RYR3: variants seen among roughly 807,000 people sequenced by gnomAD.
RYR3 encodes the protein ryanodine receptor 3, also known as brain ryanodine receptor-calcium release channel.
RYR3 carries 207 observed loss-of-function variants against 584.3 expected under a neutral mutation model. That is an observed-to-expected ratio of 0.35 (90% CI 0.32 to 0.40). The LOEUF (loss-of-function observed/expected upper bound fraction) is 0.40, where lower values mean the gene tolerates loss of function less well. Among genes scored for constraint, RYR3 ranks in the 10% least tolerant of loss-of-function variants. The pLI is 1.00. For synonymous variants in RYR3, 2,416 were observed against 2,248.5 expected (o/e 1.07, Z -2.11); for missense variants, 5,616 against 6,089.2 (o/e 0.92, Z 2.59).
In RYR3 at chr15:33,848,400, A is replaced by G. The variant is rs1338106683; in HGVS notation, c.13607A>G (p.Asp4536Gly). The G allele has an allele frequency of 1.2e-6, 2 of 1,613,066 alleles. No individual in the cohort carries two copies. Among genetic ancestry groups the G allele is most frequent in the African/African-American group, 2.7e-5 (2 of 74,904 alleles). ...GAAGATGACATCAAGGGGCAGTGGG[A>G]CCGCTTGGTGATCAACACACCGTGA... ...PSEDDIKGQWDRLVINTPSFP... is the reference protein window; with the variant it reads ...PSEDDIKGQWGRLVINTPSFP... Residue 4536 changes from aspartate (D) to glycine (G), a missense_variant, in exon 94 of 104, where the codon GAC (aspartate) becomes GGC (glycine). Coordinates refer to ENST00000634891, the MANE Select transcript of RYR3 (RefSeq NM_001036.6).
At chr15:33,317,741 A>C (rs1968394536) in intron 1 of RYR3, among the ~76,000 whole-genome samples, 1 of 152,198 alleles carries the variant, frequency 6.6e-6, no homozygotes, top group Non-Finnish European at 1.5e-5. Flanking sequence ...CCAGAATAAA[A>C]GAGCTATACC....
intron 59 of RYR3, 53 bp downstream of exon 59, chr15:33,756,426 T>G: frequency 7.7e-7 from 1 of 1,306,044 alleles, no homozygotes; most frequent in Non-Finnish European, 1.1e-6. Context: ...TCTCTACTAT[T>G]TAGGAAACAG....
At chr15:33,349,202 T>G (rs985578811) in intron 1 of RYR3, among the ~76,000 whole-genome samples, 3 of 152,100 alleles carry the variant, frequency 2.0e-5, no homozygotes, top group Non-Finnish European at 4.4e-5. Context: ...TTTAATTGCT[T>G]CCAGTTTTGG....
At chr15:33,782,493 C>G (rs1366190826) in intron 65 of RYR3, among the ~76,000 whole-genome samples, 1 of 152,206 alleles carries the variant, frequency 6.6e-6, no homozygotes, top group African/African-American at 2.4e-5. Flanking sequence ...GAGCCCATGT[C>G]TTTCATCACT....
intron 57 of RYR3, among the ~76,000 whole-genome samples, chr15:33,754,037 C>T (rs1253443545): frequency 2.0e-5 from 3 of 152,058 alleles, no homozygotes; most frequent in African/African-American, 4.8e-5. Flanking sequence ...CCCAGCTACT[C>T]GGGAGGCTGA....
At chr15:33,483,218 T>G (rs1329741810) in intron 2 of RYR3, among the ~76,000 whole-genome samples, 1 of 152,120 alleles carries the variant, frequency 6.6e-6, no homozygotes, top group East Asian at 1.9e-4. Context: ...TATTCCCATT[T>G]TTTTGGTAAA....
Position 33,336,550 on chromosome 15 carries a change from G to A in RYR3, c.51+25454G>A, listed in dbSNP as rs374560805. 7.1e-3 allele frequency among the ~76,000 whole-genome samples: 433 copies of A among 61,210 alleles called. 19 individuals carry two copies. The highest frequency in any genetic ancestry group is 0.017 in the Middle Eastern group (2 of 118). 40.2% of individuals were successfully genotyped at this position (61,210 alleles called of 152,430 possible). A position where few individuals can be genotyped will look rare whatever the true frequency, so the allele number is the denominator to read the frequency against. ...GGAAGGAGGGAAGGAGGGAAGGAGG[G>A]AAGGAAGGAAGAAAAAAGCACCATG... On this transcript the variant is annotated intron_variant, in intron 1 of 103. Coordinates refer to ENST00000634891, the MANE Select transcript of RYR3 (RefSeq NM_001036.6).
rs772207338 is a variant in RYR3, at chr15:33,722,740, C to T, written c.6645C>T (p.Ser2215=). 11 of 1,612,398 alleles carry T rather than the reference C, an allele frequency of 6.8e-6. No individual in the cohort carries two copies. Among genetic ancestry groups the T allele is most frequent in the South Asian group, 1.1e-5 (1 of 90,856 alleles). ...GTGAGAGTGTGGAAGAAAACGCCAG[C>T]GTTGTGGTCAAGCTGCTCATCAGAC... ...VNSESVEENA[S]VVVKLLIRRP... is the part of the protein sequence containing the mutation. Residue 2215 remains serine (S), a synonymous_variant, in exon 44 of 104, where the codon AGC becomes AGT. Transcript: ENST00000634891.
chr15:33,339,638 C>T (rs1971560934), intron 1 of RYR3, among the ~76,000 whole-genome samples: 1 of 152,102 alleles, frequency 6.6e-6, no homozygotes, highest in Non-Finnish European at 1.5e-5. Flanking sequence ...GCCTGTAATC[C>T]CAGCACTTTG....
intron 82 of RYR3, 37 bp downstream of exon 82, chr15:33,825,713 TGA>T: frequency 9.4e-7 from 1 of 1,062,334 alleles, no homozygotes; most frequent in Non-Finnish European, 1.4e-6. Context: ...ATTCTCTTCC[TGA>T]TTAAAATCTT....
intron 70 of RYR3, among the ~76,000 whole-genome samples, chr15:33,808,402 A>T (rs2076320198): frequency 6.6e-6 from 1 of 152,230 alleles, no homozygotes; most frequent in Non-Finnish European, 1.5e-5. Flanking sequence ...AGCATTTATG[A>T]TTAGAAGGAC....
Position 33,859,592 on chromosome 15 carries a change from G to C in RYR3, c.14160G>C (p.Met4720Ile). 6.2e-7 allele frequency: 1 copy of C among 1,613,972 alleles called. No homozygotes were observed. Among genetic ancestry groups the C allele is most frequent in the African/African-American group, 1.3e-5 (1 of 75,040 alleles). The change falls in exon 100 of 104, where the codon ATG (methionine) becomes ATC (isoleucine). Residue 4720 changes from methionine to isoleucine, a missense_variant. Around this residue, in one of 9 missense-constraint regions of RYR3, gnomAD observed 918 missense variants for 887.4 expected, o/e 1.03. Coordinates refer to ENST00000634891, the MANE Select transcript of RYR3 (RefSeq NM_001036.6). ...DDMMTCYLFHMYVGVRAGGGI... is the reference protein window; with the variant it reads ...DDMMTCYLFHIYVGVRAGGGI... ...TTCTCTAGTGTTACCTTTTCCACAT[G>C]TACGTGGGAGTGAGAGCAGGAGGTG... is the stretch of plus-strand genomic sequence containing the variant.
rs1336044791 is a variant in RYR3, at chr15:33,853,079, A to C, written c.13663A>C (p.Lys4555Gln). Residue 4555 changes from lysine to glutamine, a missense_variant, in exon 95 of 104, where the codon AAG becomes CAG. Transcript: ENST00000634891. The part of the protein sequence containing the change: ...FPNNYWDKFV[K>Q]RKVINKYGDL... ...TAATAACTACTGGGACAAGTTTGTA[A>C]AGAGAAAGGTATGCCTTGTTAGTGG... 1 of 1,600,046 alleles carries C rather than the reference A, an allele frequency of 6.2e-7. No individual in the cohort carries two copies. Among genetic ancestry groups the C allele is most frequent in the Admixed American group, 1.8e-5 (1 of 56,738 alleles).
intron 43 of RYR3, among the ~76,000 whole-genome samples, chr15:33,711,665 C>A (rs2067133873): frequency 6.6e-6 from 1 of 152,206 alleles, no homozygotes; most frequent in Admixed American, 6.6e-5. Flanking sequence ...CAGCCAAGTT[C>A]TTTACTAATG....
At position 33,512,956 on chromosome 15, in the gene RYR3, A is replaced by G. The variant is rs181578084; in HGVS notation, c.279+9218A>G. ...TTTGCTGAGAGTTTTGAGAAAAATA[A>G]CTGTTTCATGGGGGACAGGAGTAGA... On this transcript the variant is annotated intron_variant, in intron 3 of 103. Transcript: ENST00000634891. 2.4e-3 allele frequency among the ~76,000 whole-genome samples: 364 copies of G among 152,280 alleles called. 3 individuals are homozygous for G. Among genetic ancestry groups the G allele is most frequent in the African/African-American group, 8.2e-3 (342 of 41,574 alleles).
intron 86 of RYR3, among the ~76,000 whole-genome samples, chr15:33,832,705 G>C (rs1228155628): frequency 6.7e-6 from 1 of 149,972 alleles, no homozygotes; most frequent in East Asian, 2.0e-4. Flanking sequence ...AGGAAAGCAA[G>C]CCCCTTAAGA....
chr15:33,842,431 C>T (rs2078430542), intron 91 of RYR3, among the ~76,000 whole-genome samples: 1 of 152,256 alleles, frequency 6.6e-6, no homozygotes, highest in South Asian at 2.1e-4. Context: ...TAGCTTCCCA[C>T]ACTAGTCCTC....
intron 1 of RYR3, among the ~76,000 whole-genome samples, chr15:33,399,766 AAGAT>A (rs1362040030): frequency 2.0e-5 from 3 of 152,346 alleles, no homozygotes; most frequent in African/African-American, 2.4e-5. Context: ...GCCTGAAAGA[AAGAT>A]AGATCTATAT....
At chr15:33,740,462 C>G (rs2069971264) in intron 51 of RYR3, among the ~76,000 whole-genome samples, 1 of 152,180 alleles carries the variant, frequency 6.6e-6, no homozygotes, top group Admixed American at 6.5e-5. Flanking sequence ...ACTGGAAAAG[C>G]TGGACCTGCT....
Sources: gnomAD v4.1 joint callset for allele counts (sites outside exome capture counted in the v4.1 genomes callset) on GRCh38, gnomAD v4.1.1 for gene constraint, gnomAD v4.1.1 regional missense constraint, MANE v1.5 for transcripts, NCBI Gene and HGNC (gene_info 2026-07-23, HGNC 2026-07-21) for gene names.